LSS: variants seen among roughly 807,000 people sequenced by gnomAD.
The protein encoded by LSS is 2,3-epoxysqualene-lanosterol cyclase.
In LSS, 90 loss-of-function variants were observed where a neutral mutation model predicts 110.3. The ratio of observed to expected loss-of-function variants is 0.82; its 90% CI spans 0.69 to 0.97. LSS has a LOEUF of 0.97. LSS is among the 50% of genes least tolerant of loss of function. The probability of loss-of-function intolerance (pLI) is 0.00; values close to 1 mark genes in which losing one functional copy is unlikely to be tolerated. For missense variants in LSS, 927 were observed against 990.0 expected (o/e 0.94, Z 0.85); for synonymous variants, 433 against 400.0 (o/e 1.08, Z -0.98).
intron 8 of LSS, 88 bp downstream of exon 8, chr21:46,215,597 C>T (rs905085773): frequency 2.3e-5 from 21 of 927,518 alleles, no homozygotes; most frequent in Middle Eastern, 3.1e-4. Flanking sequence ...GGCCCAGTGC[C>T]GCTGGCAGGG....
intron 17 of LSS, among the ~76,000 whole-genome samples, chr21:46,198,829 CA>C (rs35148484): frequency 0.28 from 20,313 of 72,754 alleles, 1,234 homozygotes; most frequent in Admixed American, 0.38. Flanking sequence ...CATCCACATG[CA>C]AAAAAAAAAA....
chr21:46,207,328 G>A (rs1006157835), intron 15 of LSS, 100 bp downstream of exon 15: 32 of 1,434,426 alleles, frequency 2.2e-5, no homozygotes, highest in Middle Eastern at 2.1e-4. Context: ...CGGCCTGGCC[G>A]GACTGTGTGC....
At chr21:46,218,517 G>A (rs993893570) in intron 6 of LSS, among the ~76,000 whole-genome samples, 3 of 151,880 alleles carry the variant, frequency 2.0e-5, no homozygotes, top group Non-Finnish European at 4.4e-5. Flanking sequence ...CCAGCTACTC[G>A]GGAGGCAGAG....
chr21:46,196,274 C>G lies in LSS; in HGVS notation c.1671-7G>C. 6.2e-7 allele frequency: 1 copy of G among 1,613,816 alleles called. No individual in the cohort carries two copies. The highest frequency in any genetic ancestry group is 8.5e-7 in the Non-Finnish European group (1 of 1,179,706). On this transcript the variant is annotated splice_region_variant and splice_polypyrimidine_tract_variant and intron_variant, in intron 17 of 21. Coordinates refer to ENST00000397728, the MANE Select transcript of LSS (RefSeq NM_002340.6). Reference sequence around the variant, plus strand: ...GCCCTGCGTGAGGGTCTCCCTGGAACACGAGATTGGTCCAGTGAACATTCT... The same window carrying G: ...GCCCTGCGTGAGGGTCTCCCTGGAAGACGAGATTGGTCCAGTGAACATTCT...
rs76408279 is a variant in LSS at position 46,188,796 on chromosome 21, C to T, written c.*2308G>A. The T allele has an allele frequency of 0.049, 22,877 of 470,636 alleles. 768 individuals are homozygous for T. The highest frequency in any genetic ancestry group is 0.12 in the Middle Eastern group (378 of 3,074). 29.2% of individuals were successfully genotyped at this position (470,636 alleles called of 1,614,324 possible). On this transcript the variant is annotated 3_prime_UTR_variant, in exon 22 of 22. Transcript: ENST00000397728. ...AATAACACCGAAGAGGGCAGGGAAT[C>T]GCTGCGTCCTGTGACTTGAAGGCCA...
chr21:46,212,929 G>T, intron 11 of LSS, 96 bp downstream of exon 11: 4 of 1,477,754 alleles, frequency 2.7e-6, no homozygotes, highest in Non-Finnish European at 2.8e-6. Flanking sequence ...CCGGGACCTG[G>T]TCCAGGAGGA....
chr21:46,223,053 G>A (rs2080297123), intron 3 of LSS, among the ~76,000 whole-genome samples: 1 of 152,222 alleles, frequency 6.6e-6, no homozygotes, highest in Non-Finnish European at 1.5e-5. Context: ...TCTCCCCCAA[G>A]TGCCCTGAAG....
chr21:46,206,348 C>T (rs889283795), intron 16 of LSS, among the ~76,000 whole-genome samples: 11 of 152,202 alleles, frequency 7.2e-5, no homozygotes, highest in Admixed American at 1.3e-4. Flanking sequence ...TCCCTGCAGG[C>T]GCTCTGGATA....
chr21:46,215,403 C>T, intron 8 of LSS, 105 bp from the exon 9 acceptor site: 1 of 538,232 alleles, frequency 1.9e-6, no homozygotes, highest in Non-Finnish European at 3.3e-6. Flanking sequence ...GGGTTTCCCC[C>T]TCCCACCCAC....
intron 17 of LSS, among the ~76,000 whole-genome samples, chr21:46,198,609 G>GGGCGGTAA (rs1189329917): frequency 6.6e-6 from 1 of 152,032 alleles, no homozygotes; most frequent in Non-Finnish European, 1.5e-5. Context: ...GTGAGAACAG[G>GGGCGGTAA]GGCGGTAACT....
chr21:46,215,965 G>A (rs1010576950), intron 7 of LSS, among the ~76,000 whole-genome samples, 172 bp from the exon 8 acceptor site: 7 of 152,116 alleles, frequency 4.6e-5, no homozygotes, highest in Non-Finnish European at 8.8e-5. Context: ...CCCTATGGGA[G>A]GACCGCTCTG....
intron 20 of LSS, 66 bp downstream of exon 20, chr21:46,194,425 G>GGCTCACA (rs2079877183): frequency 2.5e-6 from 4 of 1,582,152 alleles, no homozygotes; most frequent in African/African-American, 1.4e-5. Context: ...CCAGGCCACC[G>GGCTCACA]GCTCACAGCT....
chr21:46,209,696 A>G lies in LSS; in HGVS notation c.1195-71T>C. The G allele has an allele frequency of 7.2e-7, 1 of 1,390,470 alleles. No individual in the cohort carries two copies. The highest frequency in any genetic ancestry group is 1.0e-6 in the Non-Finnish European group (1 of 998,084). The allele number at this position is 1,390,470 out of a possible 1,614,324, so 86.1% of individuals were successfully genotyped here. On this transcript the variant is annotated intron_variant, in intron 12 of 21. Transcript: ENST00000397728. This position sits in a 1 kb window ranked among gnomAD's most constrained non-coding sequence, Gnocchi z 4.4. ...CCAGCATGGCTGCGCTGGTTTCCCGATGGTCCTGGCCACATCCTGCCCCAA... is the reference window on the plus strand; with the variant it reads ...CCAGCATGGCTGCGCTGGTTTCCCGGTGGTCCTGGCCACATCCTGCCCCAA...
intron 14 of LSS, 145 bp from the exon 15 acceptor site, chr21:46,207,722 G>T (rs150673750): frequency 6.5e-5 from 61 of 937,124 alleles, no homozygotes; most frequent in Non-Finnish European, 9.1e-5. Context: ...GTGCAGCCAG[G>T]GCCCCAAGCT....
chr21:46,214,183 G>C (rs986323484), intron 9 of LSS, among the ~76,000 whole-genome samples: 2 of 152,242 alleles, frequency 1.3e-5, no homozygotes, highest in Non-Finnish European at 2.9e-5. Flanking sequence ...ACAGAGGACA[G>C]GGCCTGAGGG....
intron 6 of LSS, among the ~76,000 whole-genome samples, chr21:46,217,420 T>C (rs1254084742): frequency 1.3e-5 from 2 of 152,136 alleles, no homozygotes; most frequent in African/African-American, 4.8e-5. Context: ...GCCCCCATCC[T>C]TATGTGATGC....
At chr21:46,224,022 G>A (rs1044343408) in intron 3 of LSS, among the ~76,000 whole-genome samples, 2 of 152,164 alleles carry the variant, frequency 1.3e-5, no homozygotes, top group African/African-American at 4.8e-5. Flanking sequence ...GCAGTTATCC[G>A]GAGGCCTGTC....
At chr21:46,194,418 G>A in intron 20 of LSS, 73 bp downstream of exon 20, 3 of 1,573,720 alleles carry the variant, frequency 1.9e-6, no homozygotes, top group Non-Finnish European at 2.6e-6. Flanking sequence ...ACTCAGCCCA[G>A]GCCACCGGCT....
Position 46,222,642 on chromosome 21 carries a change from C to T in LSS, c.416G>A (p.Gly139Asp), listed in dbSNP as rs769232674. The change falls in exon 4 of 22, where the codon GGT becomes GAT. Residue 139 changes from glycine to aspartate, a missense_variant. Transcript: ENST00000397728. ...RYLRSVQLPD[G>D]GWGLHIEDKS... ...CAGGCACACTCACAGGCCCCAGCCA[C>T]CGTCAGGGAGCTGCACTGACCGCAG... is the stretch of plus-strand genomic sequence containing the variant. 20 of 1,613,450 alleles carry T rather than the reference C, an allele frequency of 1.2e-5. No individual in the cohort carries two copies. The highest frequency in any genetic ancestry group is 2.2e-5 in the East Asian group (1 of 44,884).
Sources: gnomAD v4.1 joint callset for allele counts (sites outside exome capture counted in the v4.1 genomes callset) on GRCh38, gnomAD v4.1.1 for gene constraint, Gnocchi (gnomAD v3.1) non-coding constraint, MANE v1.5 for transcripts, NCBI Gene and HGNC (gene_info 2026-07-23, HGNC 2026-07-21) for gene names.